The following TF variants were observed in gnomAD, a reference collection of about 807,000 sequenced individuals.
TF encodes the protein serotransferrin.
Under a neutral mutation model 82.4 loss-of-function variants are expected in TF, and 55 were observed. That is an observed-to-expected ratio of 0.67 (90% CI 0.54 to 0.84). The LOEUF (loss-of-function observed/expected upper bound fraction) is 0.84, where lower values mean the gene tolerates loss of function less well. Ranked by LOEUF, TF falls within the 40% of genes least tolerant of loss-of-function variation. The pLI, the probability that TF is intolerant of heterozygous loss-of-function variation, is 0.00. For missense variants in TF, 737 were observed against 868.4 expected (o/e 0.85, Z 1.90); for synonymous variants, 332 against 332.6 (o/e 1.00, Z 0.02).
chr3:133,713,376 G>C, the TF span, among the ~76,000 whole-genome samples: 1 of 152,166 alleles, frequency 6.6e-6, no homozygotes, highest in Non-Finnish European at 1.5e-5. Flanking sequence ...AGGCTTTGTT[G>C]GAGCTTATGC....
the TF span, among the ~76,000 whole-genome samples, chr3:133,735,169 C>T: frequency 7.2e-5 from 11 of 151,858 alleles, no homozygotes; most frequent in African/African-American, 2.4e-4. Context: ...GGTGAAACCC[C>T]GTCTCTACTA....
Position 133,748,532 on chromosome 3 carries a change from G to A in TF, c.164G>A (p.Ser55Asn). ...MKSVIPSDGP[S>N]VACVKKASYL... is the part of the protein sequence containing the mutation. ...AGCGTCATTCCATCCGATGGTCCCAGTGTTGCTTGTGTGAAGAAAGCCTCC... is the reference window on the plus strand; with the variant it reads ...AGCGTCATTCCATCCGATGGTCCCAATGTTGCTTGTGTGAAGAAAGCCTCC... The change falls in exon 2 of 17, where the codon AGT becomes AAT. Residue 55 changes from serine (S) to asparagine (N), a missense_variant. Ser to Asn is a conservative substitution (Grantham distance 46). Coordinates refer to ENST00000402696, the MANE Select transcript of TF (RefSeq NM_001063.4). The A allele has an allele frequency of 6.2e-7, 1 of 1,614,142 alleles. No homozygotes were observed.
the TF span, among the ~76,000 whole-genome samples, chr3:133,675,242 C>CAAAAAA: frequency 7.2e-5 from 4 of 55,438 alleles, no homozygotes; most frequent in East Asian, 9.3e-4. Context: ...GAGACTCTGT[C>CAAAAAA]AAAAAAAAAA....
At chr3:133,695,511 G>C in the TF span, among the ~76,000 whole-genome samples, 14 of 152,154 alleles carry the variant, frequency 9.2e-5, no homozygotes, top group Non-Finnish European at 1.9e-4. Context: ...CTCCCAAAGT[G>C]CTGGGATTAC....
intron 14 of TF, chr3:133,770,869 C>T (rs1934242007): frequency 4.2e-6 from 2 of 480,906 alleles, no homozygotes; most frequent in Non-Finnish European, 7.5e-6. Context: ...AAGACAATCT[C>T]TTGCATACCC....
intron 2 of TF, among the ~76,000 whole-genome samples, chr3:133,750,779 A>AAT (rs1553738262): frequency 2.0e-5 from 3 of 151,684 alleles, no homozygotes; most frequent in African/African-American, 4.8e-5. Context: ...TTTTTTAAAA[A>AAT]ATATATATAT....
the TF span, among the ~76,000 whole-genome samples, chr3:133,669,092 C>T: frequency 3.9e-5 from 6 of 152,108 alleles, no homozygotes; most frequent in Non-Finnish European, 7.4e-5. Flanking sequence ...CCTCCGCCTC[C>T]CGGGTTCAAG....
chr3:133,775,429 C>G lies in TF; in HGVS notation c.1688-4C>G, dbSNP rs185023567. On this transcript the variant is annotated splice_polypyrimidine_tract_variant and splice_region_variant and intron_variant, in intron 14 of 16. Transcript: ENST00000402696. ...CAGCTGAACCACCTTCTTCCTGTCC[C>G]TAGGAAAAAACCCTGATCCATGGGC... 2.5e-6 allele frequency: 4 copies of G among 1,614,026 alleles called. No individual in the cohort carries two copies. Among genetic ancestry groups the G allele is most frequent in the Non-Finnish European group, 3.4e-6 (4 of 1,180,020 alleles).
intron 14 of TF, chr3:133,773,626 C>A (rs1053863428): frequency 6.6e-6 from 1 of 152,068 alleles, no homozygotes; most frequent in African/African-American, 2.4e-5. Context: ...CCAATACTTA[C>A]GTGGCATTTT....
the TF span, among the ~76,000 whole-genome samples, chr3:133,669,166 A>G: frequency 6.6e-6 from 1 of 151,764 alleles, no homozygotes; most frequent in Non-Finnish European, 1.5e-5. Context: ...ACACCTGGCT[A>G]ATTTTTTGTA....
the TF span, chr3:133,692,785 C>G: frequency 6.6e-6 from 1 of 152,608 alleles, no homozygotes; most frequent in Admixed American, 6.5e-5. Context: ...TCCACAAACC[C>G]ACCATTATGT....
the TF span, chr3:133,710,238 C>A: frequency 6.6e-6 from 1 of 152,648 alleles, no homozygotes; most frequent in African/African-American, 2.4e-5. Flanking sequence ...ACCTAAGAGG[C>A]TCCTGCTCCT....
In TF at chr3:133,766,309, A is replaced by G; in HGVS notation, c.1362A>G (p.Ser454=). The stretch of plus-strand genomic sequence containing the variant: ...TTGCTATAGCAGTGGTGAAGAAATC[A>G]GCTTCTGACCTCACCTGGGACAATC... The part of the protein sequence containing the change: ...GYFAIAVVKK[S]ASDLTWDNLK... The change falls in exon 12 of 17, where the codon TCA becomes TCG. Residue 454 remains serine (S), a synonymous_variant. Coordinates refer to ENST00000402696, the MANE Select transcript of TF (RefSeq NM_001063.4). 6.2e-7 allele frequency: 1 copy of G among 1,614,222 alleles called. No homozygotes were observed. Among genetic ancestry groups the G allele is most frequent in the East Asian group, 2.2e-5 (1 of 44,878 alleles).
intron 2 of TF, among the ~76,000 whole-genome samples, chr3:133,750,719 C>T (rs1933637678): frequency 6.6e-6 from 1 of 152,158 alleles, no homozygotes; most frequent in African/African-American, 2.4e-5. Flanking sequence ...GGTTCCTGAC[C>T]ACTCTCCCAA....
At chr3:133,740,783 A>T in the TF span, among the ~76,000 whole-genome samples, 2 of 152,150 alleles carry the variant, frequency 1.3e-5, no homozygotes, top group African/African-American at 4.8e-5. Context: ...CCTGTTCAAG[A>T]TATAGTTTTC....
At chr3:133,692,258 C>A in the TF span, among the ~76,000 whole-genome samples, 303 of 152,344 alleles carry the variant, frequency 2.0e-3, 6 homozygotes, top group East Asian at 0.057. Flanking sequence ...AAGAATGAGG[C>A]TTTACCTCTT....
chr3:133,722,181 C>T, the TF span, among the ~76,000 whole-genome samples: 6 of 152,070 alleles, frequency 3.9e-5, no homozygotes, highest in East Asian at 7.7e-4. Flanking sequence ...CATGCCTGGC[C>T]TCTTTTTACA....
intron 3 of TF, chr3:133,754,146 A>T (rs1933759010): frequency 2.4e-6 from 1 of 418,648 alleles, no homozygotes; most frequent in African/African-American, 2.0e-5. Context: ...GGGGACATGA[A>T]ATACTTTGAT....
intron 14 of TF, chr3:133,770,902 G>A (rs1460896256): frequency 2.5e-6 from 1 of 395,062 alleles, no homozygotes; most frequent in Admixed American, 3.9e-5. Flanking sequence ...CCAAGATCAG[G>A]ATCTTTTACA....
Sources: gnomAD v4.1 joint callset for allele counts (sites outside exome capture counted in the v4.1 genomes callset) on GRCh38, gnomAD v4.1.1 for gene constraint, MANE v1.5 for transcripts, NCBI Gene and HGNC (gene_info 2026-07-23, HGNC 2026-07-21) for gene names.